SGSM3: variants seen among roughly 807,000 people sequenced by gnomAD.
SGSM3 encodes small G protein signaling modulator 3.
Under a neutral mutation model 100.5 loss-of-function variants are expected in SGSM3, and 96 were observed. The observed-to-expected ratio is 0.96, with a 90% CI of 0.81 to 1.13. SGSM3 has a LOEUF of 1.13. Among genes scored for constraint, SGSM3 ranks in the 50% most tolerant of loss-of-function variants. The pLI, the probability that SGSM3 is intolerant of heterozygous loss-of-function variation, is 0.00. For synonymous variants in SGSM3, 483 were observed against 422.8 expected (o/e 1.14, Z -1.75); for missense variants, 1,001 against 1,015.8 (o/e 0.99, Z 0.20).
chr22:40,388,600 A>G (rs910616802), intron 1 of SGSM3, among the ~76,000 whole-genome samples: 4 of 152,122 alleles, frequency 2.6e-5, no homozygotes, highest in African/African-American at 7.2e-5. Flanking sequence ...GATCAGTTGT[A>G]TTTTGAAAGA....
rs748730530 is a variant in SGSM3 at position 40,409,711 on chromosome 22, G to A, written c.2202G>A (p.Arg734=). The change falls in exon 22 of 22, where the codon CGG becomes CGA. Residue 734 remains arginine (R), a synonymous_variant. Transcript: ENST00000248929. ...AGCAGCCCCTGAAGGAGGGCGTCCG[G>A]GACATGCTGGTGAAGCACCACCTCT... ...EAQQPLKEGV[R]DMLVKHHLFS... 9.9e-6 allele frequency: 16 copies of A among 1,612,578 alleles called. No homozygotes were observed. In the South Asian group the frequency reaches 1.5e-4, roughly 15 times the overall value.
In SGSM3 at chr22:40,402,217, C is replaced by G; in HGVS notation, c.157+12C>G. On this transcript the variant is annotated intron_variant, in intron 4 of 21. Coordinates refer to ENST00000248929, the MANE Select transcript of SGSM3 (RefSeq NM_015705.6). ...TGTGTACAAGGAAGGTAAACTTGAG[C>G]CCCTTTTGTGTGTCATCTTGCTGAT... is the stretch of plus-strand genomic sequence containing the variant. The G allele has an allele frequency of 1.2e-6, 2 of 1,607,686 alleles. No homozygotes were observed. The highest frequency in any genetic ancestry group is 1.7e-6 in the Non-Finnish European group (2 of 1,174,076).
chr22:40,390,760 GCTT>G (rs1222709265), intron 1 of SGSM3, among the ~76,000 whole-genome samples: 1 of 152,190 alleles, frequency 6.6e-6, no homozygotes, highest in African/African-American at 2.4e-5. Context: ...ATCAAATAAG[GCTT>G]CTTAGAGGAG....
intron 6 of SGSM3, 90 bp downstream of exon 6, chr22:40,404,754 C>A: frequency 1.1e-6 from 1 of 912,524 alleles, no homozygotes; most frequent in Non-Finnish European, 1.7e-6. Flanking sequence ...AGAGTGTGCC[C>A]TTGTTGTGGG....
chr22:40,408,758 A>T, intron 17 of SGSM3, 36 bp from the exon 18 acceptor site: 1 of 1,613,810 alleles, frequency 6.2e-7, no homozygotes, highest in Non-Finnish European at 8.5e-7. Flanking sequence ...GGCCTGACCC[A>T]GCCCCGGCAC....
chr22:40,401,769 A>G (rs2050789347), intron 3 of SGSM3, 94 bp downstream of exon 3: 1 of 1,022,818 alleles, frequency 9.8e-7, no homozygotes, highest in Non-Finnish European at 1.5e-6. Flanking sequence ...GAGGTGGCCA[A>G]CTCACACAGG....
At chr22:40,379,319 G>A (rs2047183438) in intron 1 of SGSM3, 1 of 152,294 alleles carries the variant, frequency 6.6e-6, no homozygotes, top group Non-Finnish European at 1.5e-5. Context: ...TGTGTTCTAG[G>A]AGAATATCTA....
intron 4 of SGSM3, among the ~76,000 whole-genome samples, chr22:40,403,879 G>A (rs948917509): frequency 2.6e-5 from 4 of 152,186 alleles, no homozygotes; most frequent in African/African-American, 9.7e-5. Context: ...CAGGGGTGGT[G>A]AGACGTAAAG....
chr22:40,405,076 G>A (rs2146979983), intron 6 of SGSM3, 65 bp from the exon 7 acceptor site: 1 of 1,454,032 alleles, frequency 6.9e-7, no homozygotes, highest in South Asian at 1.6e-5. Flanking sequence ...GCCCGCCTGG[G>A]GTCTGCCTCC....
chr22:40,409,915 T>C lies in SGSM3; in HGVS notation c.*156T>C, dbSNP rs1368950890. ...TCCACGTTCCCCAGCACATCCCAGG[T>C]GGTGGGAGCAGAGGGTACCCTGCCC... On this transcript the variant is annotated 3_prime_UTR_variant, in exon 22 of 22. Coordinates refer to ENST00000248929, the MANE Select transcript of SGSM3 (RefSeq NM_015705.6). 1 of 1,414,708 alleles carries C rather than the reference T, an allele frequency of 7.1e-7. No homozygotes were observed. Among genetic ancestry groups the C allele is most frequent in the South Asian group, 1.6e-5 (1 of 61,688 alleles). The allele number at this position is 1,414,708 out of a possible 1,614,324, so 87.6% of individuals were successfully genotyped here.
At chr22:40,408,184 G>A (rs1290525975) in intron 15 of SGSM3, 64 bp downstream of exon 15, 15 of 1,606,506 alleles carry the variant, frequency 9.3e-6, no homozygotes, top group Admixed American at 8.4e-5. Flanking sequence ...CGTGCCTAGC[G>A]AGTCCTGGCC....
chr22:40,399,978 C>T (rs538680854), intron 1 of SGSM3, among the ~76,000 whole-genome samples: 6 of 152,218 alleles, frequency 3.9e-5, no homozygotes, highest in Non-Finnish European at 5.9e-5. Context: ...TTTGCCCCCA[C>T]ACTTGTATGT....
In SGSM3 at chr22:40,401,573, C is replaced by A; in HGVS notation, c.8-20C>A. ...CCTCTGCATTTTCTTGATTGTTCTC[C>A]TGGTCCTCTTTGGTTTTAGGAAGCC... On this transcript the variant is annotated intron_variant, in intron 2 of 21. Coordinates refer to ENST00000248929, the MANE Select transcript of SGSM3 (RefSeq NM_015705.6). 6.2e-7 allele frequency: 1 copy of A among 1,601,250 alleles called. No homozygotes were observed. Among genetic ancestry groups the A allele is most frequent in the Non-Finnish European group, 8.6e-7 (1 of 1,169,182 alleles).
intron 1 of SGSM3, among the ~76,000 whole-genome samples, chr22:40,383,092 T>C (rs975353045): frequency 2.0e-5 from 3 of 152,330 alleles, no homozygotes; most frequent in South Asian, 2.1e-4. Flanking sequence ...CTAAGTACTG[T>C]AGTAGGTGCT....
At chr22:40,380,373 T>C (rs1206430474) in intron 1 of SGSM3, among the ~76,000 whole-genome samples, 1 of 151,040 alleles carries the variant, frequency 6.6e-6, no homozygotes, top group Non-Finnish European at 1.5e-5. Context: ...AATTTTTTTT[T>C]TTTTTTTTCC....
intron 1 of SGSM3, among the ~76,000 whole-genome samples, chr22:40,397,424 A>G (rs1463083869): frequency 1.3e-5 from 2 of 152,058 alleles, no homozygotes; most frequent in Non-Finnish European, 2.9e-5. Flanking sequence ...ATGATAAAAT[A>G]TATCCATAAT....
At chr22:40,382,254 A>G (rs1292098087) in intron 1 of SGSM3, among the ~76,000 whole-genome samples, 1 of 152,220 alleles carries the variant, frequency 6.6e-6, no homozygotes, top group Non-Finnish European at 1.5e-5. Flanking sequence ...CCATTTATCT[A>G]TTGCTGTTTA....
rs889119005 is a variant in SGSM3, at chr22:40,400,602, C to G, written c.-111-94C>G. The stretch of plus-strand genomic sequence containing the variant: ...AGGTTGCAGTGAGCTGAGATTGCAC[C>G]ACTGCACTCCAGCCTGAGGTGACCA... On this transcript the variant is annotated intron_variant, in intron 1 of 21. Coordinates refer to ENST00000248929, the MANE Select transcript of SGSM3 (RefSeq NM_015705.6). The G allele has an allele frequency of 1.1e-5, 5 of 471,506 alleles. No individual in the cohort carries two copies. In the South Asian group the frequency reaches 1.1e-4, roughly 10 times the overall value. The allele number at this position is 471,506 out of a possible 1,614,324, so 29.2% of individuals were successfully genotyped here.
intron 1 of SGSM3, among the ~76,000 whole-genome samples, chr22:40,385,652 C>T (rs1410291086): frequency 6.6e-6 from 1 of 152,180 alleles, no homozygotes; most frequent in Non-Finnish European, 1.5e-5. Context: ...TACAGTCCCT[C>T]AGCTGGGGGT....
Sources: gnomAD v4.1 joint callset for allele counts (sites outside exome capture counted in the v4.1 genomes callset) on GRCh38, gnomAD v4.1.1 for gene constraint, MANE v1.5 for transcripts, NCBI Gene and HGNC (gene_info 2026-07-23, HGNC 2026-07-21) for gene names.